TMTC1: variants seen among roughly 807,000 people sequenced by gnomAD.
TMTC1 encodes the protein transmembrane O-mannosyltransferase targeting cadherins 1.
Under a neutral mutation model 104.8 loss-of-function variants are expected in TMTC1, and 73 were observed. The ratio of observed to expected loss-of-function variants is 0.70; its 90% CI spans 0.58 to 0.85. The LOEUF (loss-of-function observed/expected upper bound fraction) is 0.85, where lower values mean the gene tolerates loss of function less well. Ranked by LOEUF, TMTC1 falls within the 40% of genes least tolerant of loss-of-function variation. The pLI is 0.00. For missense variants in TMTC1, 1,035 were observed against 1,096.1 expected (o/e 0.94, Z 0.79); for synonymous variants, 434 against 428.7 (o/e 1.01, Z -0.15).
At chr12:29,587,025 T>C (rs1592276722) in intron 7 of TMTC1, among the ~76,000 whole-genome samples, 1 of 152,142 alleles carries the variant, frequency 6.6e-6, no homozygotes, top group African/African-American at 2.4e-5. Context: ...AGCTCCTCCT[T>C]GTAACTCTGG....
chr12:29,609,094 A>G (rs548739695), intron 6 of TMTC1, among the ~76,000 whole-genome samples: 128 of 152,348 alleles, frequency 8.4e-4, no homozygotes, highest in African/African-American at 3.0e-3. Context: ...TAGGCTTATT[A>G]TAGTAATTAT....
chr12:29,512,003 GGGAAAGCCCGGTCCACAT>G lies in TMTC1; in HGVS notation c.2508+22_2508+39del, dbSNP rs908768387. On this transcript the variant is annotated intron_variant, in intron 17 of 17. Transcript: ENST00000539277. ...AGAAGACAGAGAGAGAAAACACAGG[GGGAAAGCCCGGTCCACAT>G]GGGAGTGAATTATTCTCCTACCTTG... 3 of 1,569,948 alleles carry G rather than the reference GGGAAAGCCCGGTCCACAT, an allele frequency of 1.9e-6. No homozygotes were observed. In the African/African-American group the frequency reaches 4.1e-5, roughly 21 times the overall value.
At chr12:29,635,763 C>T (rs765679429) in intron 5 of TMTC1, among the ~76,000 whole-genome samples, 23 of 152,302 alleles carry the variant, frequency 1.5e-4, no homozygotes, top group Middle Eastern at 3.4e-3. Context: ...GAACATGCCA[C>T]ATCACACCAC....
intron 6 of TMTC1, among the ~76,000 whole-genome samples, chr12:29,619,081 G>GA (rs1019239777): frequency 9.9e-5 from 15 of 151,188 alleles, no homozygotes; most frequent in Middle Eastern, 3.4e-3. Context: ...CAAATCAGGG[G>GA]AAAAAAAAAC....
intron 1 of TMTC1, among the ~76,000 whole-genome samples, chr12:29,779,370 T>C (rs1027607117): frequency 6.6e-6 from 1 of 152,230 alleles, no homozygotes; most frequent in Non-Finnish European, 1.5e-5. Flanking sequence ...TAAAGTGACA[T>C]AGTGCAAAGC....
intron 8 of TMTC1, among the ~76,000 whole-genome samples, chr12:29,580,093 C>A (rs943940877): frequency 3.3e-5 from 5 of 152,110 alleles, no homozygotes; most frequent in African/African-American, 1.2e-4. Flanking sequence ...GTAATCCCAG[C>A]ACTTGGGGAG....
At chr12:29,691,020 C>T (rs1308854370) in intron 5 of TMTC1, among the ~76,000 whole-genome samples, 2 of 152,174 alleles carry the variant, frequency 1.3e-5, no homozygotes, top group African/African-American at 4.8e-5. Flanking sequence ...GACTCTGAAA[C>T]AAAATTGAGA....
At chr12:29,706,848 T>C (rs563686466) in intron 5 of TMTC1, among the ~76,000 whole-genome samples, 3 of 152,184 alleles carry the variant, frequency 2.0e-5, no homozygotes, top group African/African-American at 7.2e-5. Flanking sequence ...AAGGATTTGG[T>C]TGGGGGCAGC....
intron 6 of TMTC1, among the ~76,000 whole-genome samples, chr12:29,629,861 T>C (rs1390595541): frequency 6.6e-6 from 1 of 152,228 alleles, no homozygotes; most frequent in African/African-American, 2.4e-5. Context: ...GTTTTAATCA[T>C]TCAAATTTTT....
At chr12:29,662,066 T>C (rs1274936763) in intron 5 of TMTC1, among the ~76,000 whole-genome samples, 1 of 152,120 alleles carries the variant, frequency 6.6e-6, no homozygotes, top group Non-Finnish European at 1.5e-5. Context: ...TTCACCTACA[T>C]GCAAAATTCT....
At chr12:29,741,849 G>C (rs920493955) in intron 5 of TMTC1, among the ~76,000 whole-genome samples, 2 of 152,102 alleles carry the variant, frequency 1.3e-5, no homozygotes, top group Non-Finnish European at 2.9e-5. Context: ...TTATCTGAAT[G>C]GTTTACCTTT....
chr12:29,727,139 A>G (rs1942415258), intron 5 of TMTC1, among the ~76,000 whole-genome samples: 1 of 152,234 alleles, frequency 6.6e-6, no homozygotes, highest in Non-Finnish European at 1.5e-5. Context: ...GTAAGATTCA[A>G]TGTGTGATTT....
intron 17 of TMTC1, 43 bp downstream of exon 17, chr12:29,511,999 CA>C (rs1386181157): frequency 6.4e-7 from 1 of 1,554,278 alleles, no homozygotes; most frequent in Non-Finnish European, 8.9e-7. Flanking sequence ...AGAGAAAACA[CA>C]GGGGGAAAGC....
At chr12:29,525,417 C>T in intron 11 of TMTC1, among the ~76,000 whole-genome samples, 1 of 151,762 alleles carries the variant, frequency 6.6e-6, no homozygotes, top group East Asian at 1.9e-4. Context: ...AACTCCTGAC[C>T]TCAGGTGATC....
intron 7 of TMTC1, among the ~76,000 whole-genome samples, chr12:29,587,604 T>C (rs1044914348): frequency 1.3e-5 from 2 of 152,296 alleles, no homozygotes; most frequent in African/African-American, 4.8e-5. Context: ...AGTACTGGGA[T>C]TACAGGTGTG....
intron 5 of TMTC1, among the ~76,000 whole-genome samples, chr12:29,689,986 C>T (rs1941216975): frequency 6.6e-6 from 1 of 152,190 alleles, no homozygotes; most frequent in Non-Finnish European, 1.5e-5. Flanking sequence ...GATTGTACCC[C>T]CAACAGCCAT....
intron 6 of TMTC1, among the ~76,000 whole-genome samples, chr12:29,624,463 C>G (rs1162148211): frequency 6.6e-6 from 1 of 152,146 alleles, no homozygotes; most frequent in South Asian, 2.1e-4. Context: ...CACACAGTAT[C>G]GCACACACTC....
intron 5 of TMTC1, among the ~76,000 whole-genome samples, chr12:29,637,153 G>GA (rs544682641): frequency 3.9e-4 from 58 of 150,028 alleles, no homozygotes; most frequent in Admixed American, 2.8e-3. Flanking sequence ...CAAAAACAAA[G>GA]AAGCCATTTG....
intron 6 of TMTC1, 32 bp from the exon 7 acceptor site, chr12:29,604,331 C>G: frequency 6.2e-7 from 1 of 1,612,660 alleles, no homozygotes; most frequent in Non-Finnish European, 8.5e-7. Flanking sequence ...GAAACATTAA[C>G]TTCTGTTGAA....
Sources: gnomAD v4.1 joint callset for allele counts (sites outside exome capture counted in the v4.1 genomes callset) on GRCh38, gnomAD v4.1.1 for gene constraint, MANE v1.5 for transcripts, NCBI Gene and HGNC (gene_info 2026-07-23, HGNC 2026-07-21) for gene names.